Variants in NRXN3 observed in about 807,000 individuals in gnomAD.
NRXN3 encodes neurexin 3, also known as neurexin III.
NRXN3 carries 32 observed loss-of-function variants against 137.6 expected under a neutral mutation model. The observed-to-expected ratio is 0.23, with a 90% CI of 0.18 to 0.31. The LOEUF (loss-of-function observed/expected upper bound fraction) is 0.31, where lower values mean the gene tolerates loss of function less well. NRXN3 is among the 10% of genes least tolerant of loss of function. NRXN3 has a pLI of 1.00. For synonymous variants in NRXN3, 798 were observed against 784.5 expected (o/e 1.02, Z -0.29); for missense variants, 1,574 against 2,062.5 (o/e 0.76, Z 4.59).
Position 78,243,499 on chromosome 14 carries a change from C to G in NRXN3, c.406C>G (p.Pro136Ala), listed in dbSNP as rs187824822. 3.3e-5 allele frequency: 52 copies of G among 1,592,348 alleles called. No individual in the cohort carries two copies. The East Asian group carries it at 1.0e-3, about 32-fold the overall frequency. The change falls in exon 2 of 21, where the codon CCC (proline) becomes GCC (alanine). Residue 136 changes from proline to alanine, a missense_variant. Physicochemically the swap from Pro to Ala is conservative, Grantham distance 27. Around this residue, in one of 5 missense-constraint regions of NRXN3, gnomAD observed 400 missense variants for 527.3 expected, o/e 0.76. Transcript: ENST00000335750. The surrounding 1 kb of genome is among the most constrained non-coding windows in gnomAD (Gnocchi z 4.2). ...CGAGGGCCAGTCTGGGGAGCTGCAG[C>G]CCCAGCGGCCCTACATGGATGTGGT... ...DGEGQSGELQ[P>A]QRPYMDVVSD... is the part of the protein sequence containing the mutation.
intron 19 of NRXN3, among the ~76,000 whole-genome samples, chr14:79,787,828 TG>T (rs1315066595): frequency 1.3e-5 from 2 of 152,212 alleles, no homozygotes; most frequent in African/African-American, 4.8e-5. Flanking sequence ...CCTTCATTCT[TG>T]AAAAAATAGC....
intron 15 of NRXN3, among the ~76,000 whole-genome samples, chr14:79,282,464 A>C (rs879167594): frequency 6.6e-6 from 1 of 151,978 alleles, no homozygotes; most frequent in Non-Finnish European, 1.5e-5. Context: ...GCAGAGCAGT[A>C]CTTCCCTAGG....
At chr14:79,697,970 T>C (rs1225713269) in intron 19 of NRXN3, 33 bp downstream of exon 19, 1 of 1,568,154 alleles carries the variant, frequency 6.4e-7, no homozygotes, top group Admixed American at 1.7e-5. Flanking sequence ...ATTGCGTCTG[T>C]ATTTTTATCT....
At chr14:79,634,805 C>G (rs1360475313) in intron 16 of NRXN3, among the ~76,000 whole-genome samples, 1 of 152,306 alleles carries the variant, frequency 6.6e-6, no homozygotes, top group African/African-American at 2.4e-5. Flanking sequence ...TACTGACCAA[C>G]CTTTCCCCAT....
At chr14:78,765,588 T>C (rs914478125) in intron 8 of NRXN3, among the ~76,000 whole-genome samples, 1 of 152,210 alleles carries the variant, frequency 6.6e-6, no homozygotes, top group African/African-American at 2.4e-5. Flanking sequence ...TCCTCACAAG[T>C]CTGTTTCTCC....
At chr14:79,588,635 C>A (rs1342215020) in intron 16 of NRXN3, among the ~76,000 whole-genome samples, 1 of 152,148 alleles carries the variant, frequency 6.6e-6, no homozygotes, top group Non-Finnish European at 1.5e-5. Flanking sequence ...TTCAGAAGAC[C>A]ACAGGGAGCT....
chr14:79,319,278 C>G (rs1180968016), intron 15 of NRXN3, among the ~76,000 whole-genome samples: 10 of 152,156 alleles, frequency 6.6e-5, no homozygotes, highest in African/African-American at 2.4e-4. Context: ...TCTGACTGAT[C>G]ATTTCTTGAG....
chr14:79,214,641 T>C (rs1336970069), intron 15 of NRXN3, among the ~76,000 whole-genome samples: 1 of 152,308 alleles, frequency 6.6e-6, no homozygotes, highest in Admixed American at 6.5e-5. Context: ...CTTGTCTTTT[T>C]GCTAAATCTG....
intron 15 of NRXN3, among the ~76,000 whole-genome samples, chr14:78,992,784 C>G (rs534838771): frequency 6.6e-6 from 1 of 152,194 alleles, no homozygotes; most frequent in East Asian, 1.9e-4. Flanking sequence ...GAGTGGCATA[C>G]AATTTGGGGG....
At chr14:79,250,216 A>T (rs1353901860) in intron 15 of NRXN3, among the ~76,000 whole-genome samples, 1 of 152,216 alleles carries the variant, frequency 6.6e-6, no homozygotes, top group African/African-American at 2.4e-5. Flanking sequence ...AAGTAAATGA[A>T]TAATAAATGA....
chr14:79,610,109 A>G (rs1022213585), intron 16 of NRXN3, among the ~76,000 whole-genome samples: 1 of 152,204 alleles, frequency 6.6e-6, no homozygotes, highest in Non-Finnish European at 1.5e-5. Flanking sequence ...ATGAGAAAAA[A>G]AGATGCACAA....
Position 79,508,406 on chromosome 14 carries a change from TA to T in NRXN3, c.3444+41006del, listed in dbSNP as rs1283771850. On this transcript the variant is annotated intron_variant, in intron 16 of 20. Coordinates refer to ENST00000335750, the MANE Select transcript of NRXN3 (RefSeq NM_001330195.2). ...CAATAACTGATTTTTTTTTTTTTTT[TA>T]AGACAGAGTCTCGCTCTTCTTGCCC... 2.0e-4 allele frequency among the ~76,000 whole-genome samples: 29 copies of T among 143,702 alleles called. No homozygotes were observed. The East Asian group carries it at 5.3e-3, about 26-fold the overall frequency. 94.3% of individuals were successfully genotyped at this position (143,702 alleles called of 152,430 possible). A position where few individuals can be genotyped will look rare whatever the true frequency, so the allele number is the denominator to read the frequency against.
At chr14:79,258,621 G>A (rs1336808034) in intron 15 of NRXN3, among the ~76,000 whole-genome samples, 1 of 152,138 alleles carries the variant, frequency 6.6e-6, no homozygotes, top group Non-Finnish European at 1.5e-5. Flanking sequence ...GACTCCAAAG[G>A]ATGTAGTTTT....
chr14:79,498,172 A>G (rs1401514993), intron 16 of NRXN3, among the ~76,000 whole-genome samples: 2 of 152,216 alleles, frequency 1.3e-5, no homozygotes, highest in Non-Finnish European at 2.9e-5. Flanking sequence ...CATGCGTTCT[A>G]TGAGAAAAGG....
chr14:78,966,349 T>C lies in NRXN3; in HGVS notation c.2720T>C (p.Phe907Ser). Residue 907 changes from phenylalanine (F) to serine (S), a missense_variant, in exon 12 of 21, where the codon TTC (phenylalanine) becomes TCC (serine). This residue lies in a region of NRXN3 where 718 missense variants were observed against 887.6 expected (regional missense o/e 0.81). Transcript: ENST00000335750. Reference protein sequence around the residue: ...FQFKTTSPDGFILFNSGDGND... With the variant: ...FQFKTTSPDGSILFNSGDGND... ...TTCAAGACCACCTCACCAGATGGCT[T>C]CATTCTCTTCAATAGTGGTGATGGC... 1 of 1,614,210 alleles carries C rather than the reference T, an allele frequency of 6.2e-7. No individual in the cohort carries two copies. The highest frequency in any genetic ancestry group is 8.5e-7 in the Non-Finnish European group (1 of 1,180,032).
At chr14:79,503,633 T>C (rs965141345) in intron 16 of NRXN3, among the ~76,000 whole-genome samples, 8 of 152,210 alleles carry the variant, frequency 5.3e-5, no homozygotes, top group African/African-American at 1.4e-4. Context: ...TCTGTTCCCC[T>C]ATGGTACTTT....
intron 15 of NRXN3, among the ~76,000 whole-genome samples, chr14:79,201,849 C>G (rs1412908521): frequency 6.6e-6 from 1 of 152,182 alleles, no homozygotes; most frequent in Non-Finnish European, 1.5e-5. Flanking sequence ...TTCTACGTCA[C>G]TACATATTTC....
chr14:79,343,488 C>T lies in NRXN3; in HGVS notation c.3263-123733C>T, dbSNP rs146427060. 3.3e-4 allele frequency among the ~76,000 whole-genome samples: 51 copies of T among 152,246 alleles called. No individual in the cohort carries two copies. In the East Asian group the frequency reaches 8.5e-3, roughly 25 times the overall value. On this transcript the variant is annotated intron_variant, in intron 15 of 20. Coordinates refer to ENST00000335750, the MANE Select transcript of NRXN3 (RefSeq NM_001330195.2). ...TATAACTGAAAAGAACAGCCTGGCT[C>T]GCTCTTCATGAGACTTGATACAGGG... is the stretch of plus-strand genomic sequence containing the variant.
intron 10 of NRXN3, among the ~76,000 whole-genome samples, chr14:78,851,977 T>C (rs1333352875): frequency 6.6e-6 from 1 of 152,188 alleles, no homozygotes; most frequent in Non-Finnish European, 1.5e-5. Context: ...TAGAAAGATA[T>C]GGAAGAATAA....
Sources: gnomAD v4.1 joint callset for allele counts (sites outside exome capture counted in the v4.1 genomes callset) on GRCh38, gnomAD v4.1.1 for gene constraint, gnomAD v4.1.1 regional missense constraint, Gnocchi (gnomAD v3.1) non-coding constraint, MANE v1.5 for transcripts, NCBI Gene and HGNC (gene_info 2026-07-23, HGNC 2026-07-21) for gene names.